The following PPL variants were observed in gnomAD, a reference collection of about 807,000 sequenced individuals.
PPL encodes the protein periplakin.
PPL carries 198 observed loss-of-function variants against 194.4 expected under a neutral mutation model. The observed-to-expected ratio is 1.02, with a 90% CI of 0.91 to 1.15. The LOEUF (loss-of-function observed/expected upper bound fraction) is 1.15. PPL is among the 50% of genes most tolerant of loss of function. The pLI is 0.00. For missense variants in PPL, 2,885 were observed against 2,294.8 expected (o/e 1.26, Z -5.25); for synonymous variants, 1,220 against 972.4 (o/e 1.25, Z -4.74).
rs752842442 is a variant in PPL at position 4,895,309 on chromosome 16, C to G, written c.1194G>C (p.Pro398=). The change falls in exon 11 of 22, where the codon CCG becomes CCC. Residue 398 remains proline (P), a synonymous_variant. Coordinates refer to ENST00000345988, the MANE Select transcript of PPL (RefSeq NM_002705.5). ...GTGCCTCCACGGGGATGGGCTTGAG[C>G]GGAGTCTCCCGGCGGTACTTGAGGG... ...VVPLKYRRET[P]LKPIPVEALC... is the part of the protein sequence containing the mutation. 21 of 1,612,958 alleles carry G rather than the reference C, an allele frequency of 1.3e-5. No individual in the cohort carries two copies. Among genetic ancestry groups the G allele is most frequent in the African/African-American group, 6.7e-5 (5 of 74,928 alleles).
Position 4,895,348 on chromosome 16 carries a change from G to C in PPL, c.1155C>G (p.Gly385=), listed in dbSNP as rs2088405101. The change falls in exon 11 of 22, where the codon GGC becomes GGG. Residue 385 remains glycine, a synonymous_variant. Coordinates refer to ENST00000345988, the MANE Select transcript of PPL (RefSeq NM_002705.5). ...EDVVQGLQKR[G]QQVVPLKYRR... is the part of the protein sequence containing the mutation. ...GGTACTTGAGGGGCACCACCTGCTG[G>C]CCTCGCTTCTGCAGCCCCTGCACCA... 6.2e-7 allele frequency: 1 copy of C among 1,613,378 alleles called. No homozygotes were observed. The highest frequency in any genetic ancestry group is 1.7e-5 in the Admixed American group (1 of 60,002).
rs755069599 is a variant in PPL, at chr16:4,899,063, C to A, written c.826G>T (p.Glu276Ter). The A allele has an allele frequency of 6.2e-7, 1 of 1,613,164 alleles. No homozygotes were observed. Among genetic ancestry groups the A allele is most frequent in the South Asian group, 1.1e-5 (1 of 91,070 alleles). The change falls in exon 8 of 22, where the codon GAG becomes TAG. Residue 276 changes from glutamate to a stop codon, truncating the protein, a stop_gained. Coordinates refer to ENST00000345988, the MANE Select transcript of PPL (RefSeq NM_002705.5). LOFTEE classifies it high-confidence loss of function. ...KEERINKLHS[E>*]GDQLLAAEHP... ...TCGGCCGCCAGCAGCTGGTCGCCCT[C>A]GCTGTGCAGTTTGTTGATTCTCTCC...
chr16:4,907,594 C>T (rs556486814), intron 2 of PPL, among the ~76,000 whole-genome samples: 26 of 151,734 alleles, frequency 1.7e-4, no homozygotes, highest in African/African-American at 6.0e-4. Context: ...TGGGGTTTGG[C>T]TCTGGGGTAA....
chr16:4,885,558 G>C lies in PPL; in HGVS notation c.3097C>G (p.Leu1033Val). The change falls in exon 22 of 22, where the codon CTC becomes GTC. Residue 1033 changes from leucine (L) to valine (V), a missense_variant. By Grantham distance (32) the Leu-to-Val change is conservative. Transcript: ENST00000345988. The surrounding 1 kb of genome is among the most constrained non-coding windows in gnomAD (Gnocchi z 6.3). ...QKGAREAEVL[L>V]LQQRVAALAE... Reference sequence around the variant, plus strand: ...AGGGCGGCCACACGCTGCTGCAGGAGGAGCACCTCTGCCTCCCGGGCGCCC... The same window carrying C: ...AGGGCGGCCACACGCTGCTGCAGGACGAGCACCTCTGCCTCCCGGGCGCCC... The C allele has an allele frequency of 6.2e-7, 1 of 1,610,668 alleles. No homozygotes were observed. The highest frequency in any genetic ancestry group is 1.7e-4 in the Middle Eastern group (1 of 6,040).
intron 1 of PPL, among the ~76,000 whole-genome samples, chr16:4,929,132 G>T (rs745812199): frequency 9.4e-5 from 14 of 149,558 alleles, no homozygotes; most frequent in Non-Finnish European, 1.8e-4. Flanking sequence ...CTCAGACAAT[G>T]TAATAATCAT....
At position 4,898,881 on chromosome 16, in the gene PPL, G is replaced by GAGAC. The variant is rs1040776152; in HGVS notation, c.876+128_876+131dup. 3 of 695,708 alleles carry GAGAC rather than the reference G, an allele frequency of 4.3e-6. No individual in the cohort carries two copies. In the African/African-American group the frequency reaches 5.3e-5, roughly 12 times the overall value. The allele number at this position is 695,708 out of a possible 1,614,324, so 43.1% of individuals were successfully genotyped here. ...AGGCAGAGTCAGACACAGCAAGAAA[G>GAGAC]AGACAGACAGACACAAGATGCAGCT... is the stretch of plus-strand genomic sequence containing the variant. On this transcript the variant is annotated intron_variant, in intron 8 of 21. Transcript: ENST00000345988.
Position 4,885,456 on chromosome 16 carries a change from C to T in PPL, c.3199G>A (p.Glu1067Lys). Residue 1067 changes from glutamate to lysine, a missense_variant, in exon 22 of 22, where the codon GAG becomes AAG. Physicochemically the swap from Glu to Lys is moderately conservative, Grantham distance 56. Transcript: ENST00000345988. This position sits in a 1 kb window ranked among gnomAD's most constrained non-coding sequence, Gnocchi z 6.3. ...VVKLQNDPQLEAEYQQLQEDH... is the reference protein window; with the variant it reads ...VVKLQNDPQLKAEYQQLQEDH... ...TCCTGCAGCTGCTGGTACTCTGCCT[C>T]CAGCTGGGGGTCATTCTGCAGTTTC... 1 of 1,612,554 alleles carries T rather than the reference C, an allele frequency of 6.2e-7. No individual in the cohort carries two copies.
At chr16:4,906,458 C>A (rs2088685233) in intron 2 of PPL, among the ~76,000 whole-genome samples, 1 of 152,138 alleles carries the variant, frequency 6.6e-6, no homozygotes, top group African/African-American at 2.4e-5. Context: ...ATCTCCTGAC[C>A]TCGTGATCCA....
Position 4,911,135 on chromosome 16 carries a change from G to C in PPL, c.63-186C>G, listed in dbSNP as rs138148231. Among the ~76,000 whole-genome samples, 8 of 150,210 alleles carry C rather than the reference G, an allele frequency of 5.3e-5. No homozygotes were observed. In the East Asian group the frequency reaches 1.6e-3, roughly 30 times the overall value. On this transcript the variant is annotated intron_variant, in intron 1 of 21. Transcript: ENST00000345988. ...ACTAAAGCCACAGAGACAAGGCAGC[G>C]CCTGGCAGGCGGTCAGCCTCCTTTT...
Position 4,892,158 on chromosome 16 carries a change from T to G in PPL, c.1706A>C (p.Glu569Ala). 1 of 1,613,816 alleles carries G rather than the reference T, an allele frequency of 6.2e-7. No homozygotes were observed. Among genetic ancestry groups the G allele is most frequent in the Non-Finnish European group, 8.5e-7 (1 of 1,180,002 alleles). Residue 569 changes from glutamate (E) to alanine (A), a missense_variant, in exon 15 of 22, where the codon GAG becomes GCG. By Grantham distance (107) the Glu-to-Ala change is moderately radical (BLOSUM62 -1). Transcript: ENST00000345988. Reference sequence around the variant, plus strand: ...GAGGGCCTGGATGAAGGCTTCGCCCTCAGCCGTGCTCCGCGTCTTCTCAGG... The same window carrying G: ...GAGGGCCTGGATGAAGGCTTCGCCCGCAGCCGTGCTCCGCGTCTTCTCAGG... ...IEPEKTRSTA[E>A]GEAFIQALPG...
At position 4,892,064 on chromosome 16, in the gene PPL, G is replaced by A. The variant is rs2088330174; in HGVS notation, c.1800C>T (p.Leu600=). Residue 600 remains leucine, a synonymous_variant, in exon 15 of 22, where the codon CTC becomes CTT. Coordinates refer to ENST00000345988, the MANE Select transcript of PPL (RefSeq NM_002705.5). ...VEDTNRKYEH[L]LQLLDLAQEK... is the part of the protein sequence containing the mutation. Reference sequence around the variant, plus strand: ...CCTGGGCCAAGTCCAGCAGCTGCAGGAGGTGCTCGTATTTCCGGTTGGTGT... The same window carrying A: ...CCTGGGCCAAGTCCAGCAGCTGCAGAAGGTGCTCGTATTTCCGGTTGGTGT... 8.7e-6 allele frequency: 14 copies of A among 1,613,824 alleles called. No homozygotes were observed. Among genetic ancestry groups the A allele is most frequent in the Non-Finnish European group, 1.2e-5 (14 of 1,179,986 alleles).
rs376725477 is a variant in PPL, at chr16:4,890,358, C to G, written c.2163-24G>C. ...CCCTGTCAAGGCAAAGCGTTCAGGC[C>G]TCAGCCACAGCAAACAGATGCCTCA... On this transcript the variant is annotated intron_variant, in intron 17 of 21. Coordinates refer to ENST00000345988, the MANE Select transcript of PPL (RefSeq NM_002705.5). The G allele has an allele frequency of 1.0e-4, 158 of 1,576,724 alleles. No homozygotes were observed. In the African/African-American group the frequency reaches 2.0e-3, roughly 20 times the overall value.
intron 2 of PPL, among the ~76,000 whole-genome samples, chr16:4,905,301 C>A (rs78703353): frequency 6.6e-6 from 1 of 152,204 alleles, no homozygotes; most frequent in South Asian, 2.1e-4. Context: ...TCTGAACAAG[C>A]CTGGAAGACG....
chr16:4,887,123 A>G lies in PPL; in HGVS notation c.2607+12T>C, dbSNP rs756769651. On this transcript the variant is annotated intron_variant, in intron 21 of 21. Coordinates refer to ENST00000345988, the MANE Select transcript of PPL (RefSeq NM_002705.5). ...ACAGCCTGAAGTAGAATTTCTTACT[A>G]AGATCAGTTACCTGTCTGAGGAGAT... 6 of 1,595,790 alleles carry G rather than the reference A, an allele frequency of 3.8e-6. No homozygotes were observed. In the African/African-American group the frequency reaches 8.1e-5, roughly 21 times the overall value.
In PPL at chr16:4,897,688, T is replaced by C; in HGVS notation, c.959A>G (p.Glu320Gly). ...AAAGGTAAGTACCTGGTGGTAGTCC[T>C]CCATGTACTTGAGGTGGCTCTCCTC... is the stretch of plus-strand genomic sequence containing the variant. ...ICEESHLKYM[E>G]DYHQFHEDVK... The change falls in exon 9 of 22, where the codon GAG becomes GGG. Residue 320 changes from glutamate (E) to glycine (G), a missense_variant. By Grantham distance (98) the Glu-to-Gly change is moderately conservative. Coordinates refer to ENST00000345988, the MANE Select transcript of PPL (RefSeq NM_002705.5). 6.2e-7 allele frequency: 1 copy of C among 1,613,194 alleles called. No homozygotes were observed.
intron 1 of PPL, among the ~76,000 whole-genome samples, chr16:4,923,972 T>G (rs1271303644): frequency 6.6e-6 from 1 of 152,192 alleles, no homozygotes; most frequent in Admixed American, 6.5e-5. Context: ...ACAGCATGTA[T>G]TACTCCACCT....
chr16:4,936,301 G>A (rs1427865808), intron 1 of PPL, among the ~76,000 whole-genome samples: 1 of 152,192 alleles, frequency 6.6e-6, no homozygotes, highest in Non-Finnish European at 1.5e-5. Flanking sequence ...AACCCAGAGG[G>A]TGGGGAGGTA....
At chr16:4,923,063 T>G (rs1015649469) in intron 1 of PPL, among the ~76,000 whole-genome samples, 1 of 152,144 alleles carries the variant, frequency 6.6e-6, no homozygotes, top group African/African-American at 2.4e-5. Context: ...GTTTGGGGAT[T>G]TGAAGGGTAC....
rs1396148714 is a variant in PPL, at chr16:4,918,729, T to G, written c.63-7780A>C. The stretch of plus-strand genomic sequence containing the variant: ...AAGCACAGTCTCAGCGTTTTTGCCC[T>G]GTAGCTTTGCGGTCCTGTGTTCCCC... On this transcript the variant is annotated intron_variant, in intron 1 of 21. Transcript: ENST00000345988. Among the ~76,000 whole-genome samples the G allele has an allele frequency of 1.3e-5, 2 of 152,194 alleles. 1 individual carries two copies. The highest frequency in any genetic ancestry group is 4.1e-4 in the South Asian group (2 of 4,836).
Sources: gnomAD v4.1 joint callset for allele counts (sites outside exome capture counted in the v4.1 genomes callset) on GRCh38, gnomAD v4.1.1 for gene constraint, Gnocchi (gnomAD v3.1) non-coding constraint, MANE v1.5 for transcripts, NCBI Gene and HGNC (gene_info 2026-07-23, HGNC 2026-07-21) for gene names.